The following PCMT1 variants were observed in gnomAD, a reference collection of about 807,000 sequenced individuals.
PCMT1 encodes the protein protein-L-isoaspartate (D-aspartate) O-methyltransferase.
A neutral mutation model predicts 29.2 loss-of-function variants in PCMT1; 9 were observed. That is an observed-to-expected ratio of 0.31 (90% confidence interval 0.19 to 0.54). PCMT1 has a LOEUF of 0.54. Among genes scored for constraint, PCMT1 ranks in the 20% least tolerant of loss-of-function variants. The probability of loss-of-function intolerance (pLI) is 0.95; values close to 1 mark genes in which losing one functional copy is unlikely to be tolerated. For missense variants in PCMT1, 184 were observed against 282.2 expected, an observed-to-expected ratio of 0.65 and a Z score of 2.49; for synonymous variants, 98 against 97.5, an observed-to-expected ratio of 1.00 and a Z score of -0.03.
rs974550252 is a variant in PCMT1, at chr6:149,778,520, C to T, written c.192+5351C>T. On this transcript the variant is annotated intron_variant, in intron 3 of 7. Transcript: ENST00000464889. ...CTGGGATTACAGGCCTGAGCCACTG[C>T]GTCTAGCCCTTAATTTTTTAGTTTT... Among the ~76,000 whole-genome samples the T allele has an allele frequency of 3.3e-5, 5 of 151,410 alleles. No homozygotes were observed. The South Asian group carries it at 6.3e-4, about 19-fold the overall frequency.
intron 1 of PCMT1, among the ~76,000 whole-genome samples, chr6:149,755,107 T>A (rs1277244518): frequency 6.6e-6 from 1 of 152,134 alleles, no homozygotes; most frequent in Non-Finnish European, 1.5e-5. Context: ...ATAATAAACC[T>A]GTTATAAGTT....
At chr6:149,803,064 A>C (rs868863854) in intron 7 of PCMT1, among the ~76,000 whole-genome samples, 4 of 149,776 alleles carry the variant, frequency 2.7e-5, no homozygotes, top group African/African-American at 4.9e-5. Context: ...AAAAAAAAAA[A>C]AAAAAAAAAA....
intron 3 of PCMT1, among the ~76,000 whole-genome samples, chr6:149,774,257 T>TC (rs1183992885): frequency 0.013 from 1,908 of 150,320 alleles, 50 homozygotes; most frequent in African/African-American, 0.045. Flanking sequence ...TTTTTTTTTT[T>TC]GAGATGGAGT....
chr6:149,780,824 A>G (rs540722580), intron 3 of PCMT1, among the ~76,000 whole-genome samples: 1 of 152,276 alleles, frequency 6.6e-6, no homozygotes, highest in East Asian at 1.9e-4. Flanking sequence ...ATTTGTGTAC[A>G]CATTTTTGTG....
intron 7 of PCMT1, among the ~76,000 whole-genome samples, chr6:149,805,746 G>A (rs2115348504): frequency 6.6e-6 from 1 of 151,436 alleles, no homozygotes; most frequent in South Asian, 2.1e-4. Flanking sequence ...GACCATCCTG[G>A]CCAACATGGT....
At chr6:149,769,308 C>CTTTTGTTTTTTTTTTTTTTT (rs1787214720) in intron 1 of PCMT1, among the ~76,000 whole-genome samples, 1 of 71,562 alleles carries the variant, frequency 1.4e-5, no homozygotes, top group Non-Finnish European at 2.2e-5. Context: ...GTGCAGGATT[C>CTTTTGTTTTTTTTTTTTTTT]TTTTTTTTTT....
At chr6:149,789,209 G>A (rs1421968384) in intron 3 of PCMT1, among the ~76,000 whole-genome samples, 2 of 151,834 alleles carry the variant, frequency 1.3e-5, no homozygotes, top group Admixed American at 6.6e-5. Context: ...CCGAGTAGCT[G>A]GGATTACAGG....
At chr6:149,781,267 C>G (rs1787804722) in intron 3 of PCMT1, among the ~76,000 whole-genome samples, 1 of 148,972 alleles carries the variant, frequency 6.7e-6, no homozygotes, top group Non-Finnish European at 1.5e-5. Context: ...CGCTCTGTCA[C>G]CCGGGCTGGA....
At chr6:149,757,882 ATATTT>A (rs1786572671) in intron 1 of PCMT1, among the ~76,000 whole-genome samples, 7 of 152,036 alleles carry the variant, frequency 4.6e-5, no homozygotes, top group Admixed American at 2.6e-4. Flanking sequence ...GATTTAAAAA[ATATTT>A]TATTTTATTT....
intron 6 of PCMT1, among the ~76,000 whole-genome samples, chr6:149,801,658 G>A (rs561223131): frequency 6.6e-6 from 1 of 152,100 alleles, no homozygotes; most frequent in African/African-American, 2.4e-5. Context: ...GTGTTGGCCA[G>A]GCTGGTCTTG....
chr6:149,756,404 C>T (rs184303549), intron 1 of PCMT1, among the ~76,000 whole-genome samples: 4 of 149,280 alleles, frequency 2.7e-5, no homozygotes, highest in Non-Finnish European at 5.9e-5. Context: ...GCTGGAGTGC[C>T]GTGGCGTGAT....
chr6:149,769,267 T>TGG (rs1787210642), intron 1 of PCMT1, among the ~76,000 whole-genome samples: 1 of 142,886 alleles, frequency 7.0e-6, no homozygotes, highest in African/African-American at 2.7e-5. Context: ...ATATTGGTAG[T>TGG]GGGGAGGAAA....
chr6:149,777,117 G>A (rs1787602029), intron 3 of PCMT1, among the ~76,000 whole-genome samples: 1 of 152,150 alleles, frequency 6.6e-6, no homozygotes, highest in Non-Finnish European at 1.5e-5. Context: ...CCCATCATAA[G>A]TTGAAAATAC....
Position 149,762,767 on chromosome 6 carries a change from ATATATATATACC to A in PCMT1, c.56-8391_56-8380del, listed in dbSNP as rs1170180151. On this transcript the variant is annotated intron_variant, in intron 1 of 7. Transcript: ENST00000464889. Reference sequence around the variant, plus strand: ...TATATCTATGATATATATACCTATGATATATATATACCTATGATATATATACCTATGATATAT... The same window carrying A: ...TATATCTATGATATATATACCTATGATATGATATATATACCTATGATATAT... 4.0e-5 allele frequency among the ~76,000 whole-genome samples: 2 copies of A among 49,476 alleles called. 1 individual carries two copies. The highest frequency in any genetic ancestry group is 5.5e-5 in the Non-Finnish European group (2 of 36,350). 32.5% of individuals were successfully genotyped at this position (49,476 alleles called of 152,430 possible).
intron 1 of PCMT1, among the ~76,000 whole-genome samples, chr6:149,762,612 T>TATATATATCTATG (rs1786812675): frequency 4.1e-4 from 6 of 14,722 alleles, no homozygotes; most frequent in Non-Finnish European, 4.3e-4. Flanking sequence ...ATATCTATGA[T>TATATATATCTATG]ATATATATAT....
intron 3 of PCMT1, among the ~76,000 whole-genome samples, chr6:149,789,174 T>G (rs1788251032): frequency 1.3e-5 from 2 of 150,702 alleles, no homozygotes; most frequent in Admixed American, 1.3e-4. Flanking sequence ...CGTCCCGGGT[T>G]CAAGCAGTTC....
intron 7 of PCMT1, among the ~76,000 whole-genome samples, chr6:149,805,856 A>T (rs1775997621): frequency 6.7e-6 from 1 of 150,206 alleles, no homozygotes; most frequent in Non-Finnish European, 1.5e-5. Flanking sequence ...CAGGAGAATC[A>T]CTTGAACCTG....
chr6:149,751,320 A>G (rs1163133708), intron 1 of PCMT1, among the ~76,000 whole-genome samples: 3 of 151,806 alleles, frequency 2.0e-5, no homozygotes, highest in Non-Finnish European at 4.4e-5. Flanking sequence ...CTCCGCCTCA[A>G]AAAAAAAATT....
chr6:149,784,749 C>T (rs1250582497), intron 3 of PCMT1, among the ~76,000 whole-genome samples: 3 of 152,148 alleles, frequency 2.0e-5, no homozygotes, highest in Admixed American at 2.0e-4. Context: ...AGGCTATGAA[C>T]CACTGCTCCT....
Sources: allele counts gnomAD v4.1 joint callset (sites outside exome capture counted in the v4.1 genomes callset), GRCh38; gene constraint gnomAD v4.1.1; transcripts MANE v1.5; gene names NCBI Gene and HGNC (gene_info 2026-07-23, HGNC 2026-07-21).